The following JHY variants were observed in gnomAD, a reference collection of about 807,000 sequenced individuals.
JHY encodes junctional cadherin complex regulator.
JHY carries 69 observed loss-of-function variants against 78.0 expected under a neutral mutation model. That is an observed-to-expected ratio of 0.88 (90% CI 0.73 to 1.08). The LOEUF is 1.08. Ranked by LOEUF, JHY falls within the 50% of genes least tolerant of loss-of-function variation. The probability of loss-of-function intolerance (pLI) is 0.00; values close to 1 mark genes in which losing one functional copy is unlikely to be tolerated. For missense variants in JHY, 944 were observed against 927.8 expected (o/e 1.02, Z -0.23); for synonymous variants, 368 against 342.6 (o/e 1.07, Z -0.82).
intron 5 of JHY, among the ~76,000 whole-genome samples, chr11:122,943,700 A>G (rs1040167538): frequency 3.9e-5 from 6 of 152,156 alleles, no homozygotes; most frequent in African/African-American, 1.4e-4. Context: ...TGTAATCAAT[A>G]TTTTTATTCC....
At chr11:122,924,223 T>C (rs1019902327) in intron 3 of JHY, among the ~76,000 whole-genome samples, 32 of 152,158 alleles carry the variant, frequency 2.1e-4, no homozygotes, top group Non-Finnish European at 4.0e-4. Context: ...ATTCAAATTC[T>C]CTGAGTACCA....
intron 6 of JHY, among the ~76,000 whole-genome samples, chr11:122,955,096 C>T (rs972271256): frequency 1.3e-5 from 2 of 152,128 alleles, no homozygotes; most frequent in East Asian, 1.9e-4. Flanking sequence ...GGGGAAGTAG[C>T]GAGTCTAAAC....
chr11:122,914,324 CT>C (rs1006496496), intron 3 of JHY, among the ~76,000 whole-genome samples: 1 of 152,042 alleles, frequency 6.6e-6, no homozygotes, highest in Non-Finnish European at 1.5e-5. Flanking sequence ...TAAGATTAAG[CT>C]TTACCTTTAT....
intron 5 of JHY, among the ~76,000 whole-genome samples, chr11:122,937,705 A>G (rs1287805855): frequency 6.6e-6 from 1 of 151,900 alleles, no homozygotes; most frequent in African/African-American, 2.4e-5. Flanking sequence ...AAGAATCTCC[A>G]TGCCCTCATG....
chr11:122,886,960 G>C (rs1862508242), intron 2 of JHY, among the ~76,000 whole-genome samples: 1 of 152,154 alleles, frequency 6.6e-6, no homozygotes, highest in Non-Finnish European at 1.5e-5. Context: ...ATTTAACCTT[G>C]TGCTATGAGC....
At chr11:122,937,564 C>T (rs1863784729) in intron 5 of JHY, among the ~76,000 whole-genome samples, 1 of 152,124 alleles carries the variant, frequency 6.6e-6, no homozygotes, top group South Asian at 2.1e-4. Flanking sequence ...CCCCTTCCGG[C>T]ATTTCTTTCA....
chr11:122,928,981 G>A (rs946507516), intron 4 of JHY, among the ~76,000 whole-genome samples: 2 of 151,138 alleles, frequency 1.3e-5, no homozygotes, highest in South Asian at 2.1e-4. Context: ...TTTCACTCTC[G>A]TTACCCAGGC....
chr11:122,948,304 A>G (rs958171684), intron 6 of JHY, among the ~76,000 whole-genome samples: 6 of 151,926 alleles, frequency 3.9e-5, no homozygotes, highest in African/African-American at 1.5e-4. Flanking sequence ...TTAGCCGGGC[A>G]TGGTGGCAGG....
chr11:122,951,745 C>T (rs751259423), intron 6 of JHY, among the ~76,000 whole-genome samples: 8 of 152,188 alleles, frequency 5.3e-5, no homozygotes, highest in Non-Finnish European at 8.8e-5. Flanking sequence ...CTGGTACAAA[C>T]CTTGCATCAG....
intron 3 of JHY, among the ~76,000 whole-genome samples, chr11:122,922,549 C>A (rs879566857): frequency 2.4e-4 from 37 of 152,188 alleles, no homozygotes; most frequent in African/African-American, 5.5e-4. Context: ...CGGTGGCTCA[C>A]GCCTGTAATC....
At position 122,934,491 on chromosome 11, in the gene JHY, C is replaced by G. The variant is rs1187236404; in HGVS notation, c.1050C>G (p.Asp350Glu). ...SSNVPRGQPSDMVNDHQPSRR... is the reference protein window; with the variant it reads ...SSNVPRGQPSEMVNDHQPSRR... ...ATGTACCAAGAGGGCAACCTTCTGA[C>G]ATGGTGAATGACCATCAACCTTCCA... Residue 350 changes from aspartate to glutamate, a missense_variant, in exon 5 of 9, where the codon GAC (aspartate) becomes GAG (glutamate). By Grantham distance (45) the Asp-to-Glu change is conservative. Coordinates refer to ENST00000227349, the MANE Select transcript of JHY (RefSeq NM_024806.4). The G allele has an allele frequency of 1.9e-6, 3 of 1,613,914 alleles. No homozygotes were observed. The highest frequency in any genetic ancestry group is 2.5e-6 in the Non-Finnish European group (3 of 1,179,862).
intron 6 of JHY, among the ~76,000 whole-genome samples, chr11:122,948,071 A>G (rs1864003747): frequency 6.6e-6 from 1 of 152,190 alleles, no homozygotes; most frequent in African/African-American, 2.4e-5. Flanking sequence ...TGAGTGCCTC[A>G]GTACAGAAGG....
intron 2 of JHY, among the ~76,000 whole-genome samples, chr11:122,890,043 G>A (rs755209770): frequency 4.6e-4 from 58 of 126,522 alleles, no homozygotes; most frequent in Non-Finnish European, 5.2e-4. Context: ...CACCACTCCC[G>A]GCCCCAGTTT....
intron 5 of JHY, among the ~76,000 whole-genome samples, chr11:122,945,555 C>T (rs556747925): frequency 7.2e-5 from 11 of 152,192 alleles, no homozygotes; most frequent in African/African-American, 2.2e-4. Context: ...TTTCCTCTTA[C>T]GGGCAAGGAC....
At chr11:122,941,608 C>T (rs920599685) in intron 5 of JHY, among the ~76,000 whole-genome samples, 2 of 152,228 alleles carry the variant, frequency 1.3e-5, no homozygotes, top group African/African-American at 4.8e-5. Context: ...AAAATTACTT[C>T]ATAAATTAAT....
intron 2 of JHY, among the ~76,000 whole-genome samples, chr11:122,897,440 C>G (rs1591370832): frequency 6.6e-6 from 1 of 152,230 alleles, no homozygotes; most frequent in South Asian, 2.1e-4. Flanking sequence ...CTGTGTTGCT[C>G]AGGCTGCTCT....
chr11:122,910,346 G>T (rs115915745), intron 3 of JHY, among the ~76,000 whole-genome samples: 2 of 151,884 alleles, frequency 1.3e-5, no homozygotes, highest in African/African-American at 2.4e-5. Context: ...ATCGTGACGG[G>T]TGCCTCTAAT....
chr11:122,932,642 A>AG (rs1383672205), intron 4 of JHY, among the ~76,000 whole-genome samples: 1 of 152,210 alleles, frequency 6.6e-6, no homozygotes, highest in Non-Finnish European at 1.5e-5. Flanking sequence ...GTCACAGTCA[A>AG]GGGGGGCATT....
chr11:122,886,814 G>A (rs1036365714), intron 2 of JHY, among the ~76,000 whole-genome samples: 6 of 152,064 alleles, frequency 3.9e-5, no homozygotes, highest in African/African-American at 1.2e-4. Flanking sequence ...TATCTCACAG[G>A]ATTGCTATGA....
Sources: gnomAD v4.1 joint callset for allele counts (sites outside exome capture counted in the v4.1 genomes callset) on GRCh38, gnomAD v4.1.1 for gene constraint, MANE v1.5 for transcripts, NCBI Gene and HGNC (gene_info 2026-07-23, HGNC 2026-07-21) for gene names.